The following PRKCA variants were observed in gnomAD, a reference collection of about 807,000 sequenced individuals.
PRKCA encodes protein kinase C alpha, also known as protein kinase C alpha type.
In PRKCA, 27 loss-of-function variants were observed where a neutral mutation model predicts 87.0. That is an observed-to-expected ratio of 0.31 (90% CI 0.23 to 0.43). PRKCA has a LOEUF of 0.43. PRKCA is among the 20% of genes least tolerant of loss of function. The pLI is 1.00. For synonymous variants in PRKCA, 329 were observed against 311.1 expected (o/e 1.06, Z -0.61); for missense variants, 518 against 852.3 (o/e 0.61, Z 4.88).
intron 2 of PRKCA, among the ~76,000 whole-genome samples, chr17:66,379,921 G>T (rs1156606935): frequency 6.6e-6 from 1 of 151,956 alleles, no homozygotes; most frequent in Non-Finnish European, 1.5e-5. Context: ...CTTTAGTCAA[G>T]GATATTGAAG....
chr17:66,776,937 G>C (rs1404645200), intron 14 of PRKCA, among the ~76,000 whole-genome samples: 1 of 152,196 alleles, frequency 6.6e-6, no homozygotes, highest in African/African-American at 2.4e-5. Context: ...AGAAGGTGGT[G>C]TACCAGTTAA....
chr17:66,391,066 G>A (rs1398894047), intron 2 of PRKCA, among the ~76,000 whole-genome samples: 3 of 152,138 alleles, frequency 2.0e-5, no homozygotes, highest in Non-Finnish European at 4.4e-5. Context: ...AAACCATTGG[G>A]CAGGGAATCA....
At chr17:66,314,813 A>C (rs1017529094) in intron 2 of PRKCA, among the ~76,000 whole-genome samples, 3 of 151,812 alleles carry the variant, frequency 2.0e-5, no homozygotes, top group Admixed American at 2.0e-4. Flanking sequence ...GAAAACTGGT[A>C]GTTTTGAGTT....
At chr17:66,613,923 CA>C (rs1276314909) in intron 3 of PRKCA, among the ~76,000 whole-genome samples, 6 of 150,548 alleles carry the variant, frequency 4.0e-5, no homozygotes, top group African/African-American at 1.5e-4. Context: ...GCTAGGACTA[CA>C]GGTGTGCACC....
chr17:66,497,367 C>T (rs565719618), intron 3 of PRKCA, among the ~76,000 whole-genome samples: 57 of 152,000 alleles, frequency 3.8e-4, no homozygotes, highest in African/African-American at 1.3e-3. Context: ...CGTGGTGGCG[C>T]ATCCTGAGAT....
Position 66,805,835 on chromosome 17 carries a change from T to G in PRKCA, c.*1798T>G, listed in dbSNP as rs989779618. ...TTCCTTCTTCCCTTCAGCCTGTGAC[T>G]GTTGCTGACTCCAGGGGTGGGAGGG... is the stretch of plus-strand genomic sequence containing the variant. On this transcript the variant is annotated 3_prime_UTR_variant, in exon 17 of 17. Coordinates refer to ENST00000413366, the MANE Select transcript of PRKCA (RefSeq NM_002737.3). The G allele has an allele frequency of 1.3e-5, 2 of 150,918 alleles. No individual in the cohort carries two copies. The highest frequency in any genetic ancestry group is 1.3e-4 in the Admixed American group (2 of 15,182). 9.3% of individuals were successfully genotyped at this position (150,918 alleles called of 1,614,324 possible).
intron 3 of PRKCA, among the ~76,000 whole-genome samples, chr17:66,536,392 A>G (rs987394686): frequency 2.6e-5 from 4 of 152,364 alleles, no homozygotes; most frequent in African/African-American, 9.6e-5. Flanking sequence ...AAAACACACA[A>G]GATTAGAAAA....
chr17:66,409,992 T>G (rs944604150), intron 2 of PRKCA, among the ~76,000 whole-genome samples: 5 of 152,196 alleles, frequency 3.3e-5, no homozygotes, highest in African/African-American at 9.6e-5. Flanking sequence ...CATCATCTAC[T>G]TTGTTCACTC....
At chr17:66,730,645 G>A (rs1973862612) in intron 8 of PRKCA, among the ~76,000 whole-genome samples, 1 of 152,218 alleles carries the variant, frequency 6.6e-6, no homozygotes. Context: ...CATACGATGA[G>A]CAGCCAGGAG....
chr17:66,594,808 G>C (rs906547106), intron 3 of PRKCA, among the ~76,000 whole-genome samples: 2 of 152,118 alleles, frequency 1.3e-5, no homozygotes, highest in Admixed American at 1.3e-4. Flanking sequence ...CAGAACTGCA[G>C]GTGCCTCACT....
intron 3 of PRKCA, among the ~76,000 whole-genome samples, chr17:66,545,224 C>T (rs549797460): frequency 5.3e-5 from 8 of 152,064 alleles, no homozygotes; most frequent in Non-Finnish European, 2.9e-5. Flanking sequence ...GTCAGGAGAT[C>T]GAGACCATCC....
chr17:66,610,559 C>T (rs1970331333), intron 3 of PRKCA, among the ~76,000 whole-genome samples: 1 of 152,268 alleles, frequency 6.6e-6, no homozygotes, highest in South Asian at 2.1e-4. Context: ...CAGGAAATTC[C>T]AAGGGATTAG....
At chr17:66,642,565 C>T (rs1450913038) in intron 4 of PRKCA, among the ~76,000 whole-genome samples, 9 of 152,126 alleles carry the variant, frequency 5.9e-5, no homozygotes, top group African/African-American at 2.2e-4. Flanking sequence ...AAATATCAGC[C>T]TATTGCCATT....
Position 66,735,606 on chromosome 17 carries a change from G to T in PRKCA, c.1174G>T (p.Ala392Ser). 1 of 1,614,152 alleles carries T rather than the reference G, an allele frequency of 6.2e-7. No individual in the cohort carries two copies. The highest frequency in any genetic ancestry group is 1.3e-5 in the African/African-American group (1 of 75,032). The change falls in exon 10 of 17, where the codon GCC (alanine) becomes TCC (serine). Residue 392 changes from alanine (A) to serine (S), a missense_variant. Around this residue, in one of 5 missense-constraint regions of PRKCA, gnomAD observed 300 missense variants for 496.8 expected, o/e 0.60. Transcript: ENST00000413366. ...ECTMVEKRVLALLDKPPFLTQ... is the reference protein window; with the variant it reads ...ECTMVEKRVLSLLDKPPFLTQ... ...CACCATGGTAGAAAAGCGAGTCTTG[G>T]CCCTGCTTGACAAACCCCCGTTCTT... is the stretch of plus-strand genomic sequence containing the variant.
At chr17:66,752,074 A>C (rs1329527072) in intron 13 of PRKCA, among the ~76,000 whole-genome samples, 5 of 152,192 alleles carry the variant, frequency 3.3e-5, no homozygotes, top group African/African-American at 1.2e-4. Flanking sequence ...CTGTATTATA[A>C]ACTCTGGCTA....
chr17:66,735,214 T>C (rs9895037), intron 9 of PRKCA, among the ~76,000 whole-genome samples: 5,409 of 152,300 alleles, frequency 0.036, 120 homozygotes, highest in African/African-American at 0.058. Context: ...GAATGTTGAG[T>C]ATTCATTTTA....
At chr17:66,352,529 A>C (rs1444354952) in intron 2 of PRKCA, among the ~76,000 whole-genome samples, 1 of 146,016 alleles carries the variant, frequency 6.8e-6, no homozygotes, top group African/African-American at 2.5e-5. Flanking sequence ...GAGAAAAAAG[A>C]GCATCTTGAA....
chr17:66,768,855 C>T (rs1022464427), intron 13 of PRKCA, among the ~76,000 whole-genome samples: 4 of 152,152 alleles, frequency 2.6e-5, no homozygotes, highest in Non-Finnish European at 4.4e-5. Context: ...TGGACACAAA[C>T]CATATTGGGA....
chr17:66,304,343 C>G (rs1273046622), intron 1 of PRKCA, among the ~76,000 whole-genome samples: 1 of 152,196 alleles, frequency 6.6e-6, no homozygotes, highest in Non-Finnish European at 1.5e-5. Flanking sequence ...AAAGCTGGAA[C>G]TAAAGGAGCT....
Sources: gnomAD v4.1 joint callset for allele counts (sites outside exome capture counted in the v4.1 genomes callset) on GRCh38, gnomAD v4.1.1 for gene constraint, gnomAD v4.1.1 regional missense constraint, MANE v1.5 for transcripts, NCBI Gene and HGNC (gene_info 2026-07-23, HGNC 2026-07-21) for gene names.